The following SFTPD variants were observed in gnomAD, a reference collection of about 807,000 sequenced individuals.
The protein encoded by SFTPD is pulmonary surfactant-associated protein D.
In SFTPD, 18 loss-of-function variants were observed where a neutral mutation model predicts 34.6. That is an observed-to-expected ratio of 0.52 (90% confidence interval 0.36 to 0.77). SFTPD has a LOEUF of 0.77. SFTPD is among the 30% of genes least tolerant of loss of function. SFTPD has a pLI of 0.00. For missense variants in SFTPD, 433 were observed against 468.9 expected (o/e 0.92, Z 0.71); for synonymous variants, 155 against 180.9 (o/e 0.86, Z 1.15).
chr10:79,966,988 A>G (rs1373662620), intron 1 of SFTPD, among the ~76,000 whole-genome samples: 2 of 143,602 alleles, frequency 1.4e-5, no homozygotes, highest in Non-Finnish European at 3.0e-5. Flanking sequence ...AGGGTATTCA[A>G]TTAGGAAAAG....
At position 79,946,502 on chromosome 10, in the gene SFTPD, C is replaced by T. The variant is rs142564545; in HGVS notation, c.158G>A (p.Arg53Gln). Residue 53 changes from arginine (R) to glutamine (Q), a missense_variant, in exon 2 of 8, where the codon CGG becomes CAG. Coordinates refer to ENST00000372292, the MANE Select transcript of SFTPD (RefSeq NM_003019.5). ...VESGLPGRDG[R>Q]DGREGPRGEK... ...GCCCCGAGGGCCCTCTCTCCCATCC[C>T]GTCCATCGCGACCAGGCAGGCCACT... 3.2e-5 allele frequency: 51 copies of T among 1,614,036 alleles called. No individual in the cohort carries two copies. Among genetic ancestry groups the T allele is most frequent in the Non-Finnish European group, 3.5e-5 (41 of 1,180,012 alleles).
At chr10:79,957,807 A>G (rs929040280) in intron 1 of SFTPD, among the ~76,000 whole-genome samples, 4 of 152,192 alleles carry the variant, frequency 2.6e-5, no homozygotes, top group Non-Finnish European at 4.4e-5. Context: ...GAACGCCACA[A>G]AGATACTCCT....
upstream of SFTPD, among the ~76,000 whole-genome samples, chr10:79,952,012 G>T (rs1426694765): frequency 6.6e-6 from 1 of 152,194 alleles, no homozygotes; most frequent in Non-Finnish European, 1.5e-5. Flanking sequence ...AAACACCCTT[G>T]TCCCGGAGCT....
chr10:79,952,788 GT>G (rs1410276998), upstream of SFTPD, among the ~76,000 whole-genome samples: 6 of 152,162 alleles, frequency 3.9e-5, no homozygotes, highest in African/African-American at 7.2e-5. Context: ...TTCAACTCAG[GT>G]TTTGGGGGAG....
chr10:79,980,228 C>T (rs1370498799), intron 1 of SFTPD, among the ~76,000 whole-genome samples: 1 of 151,880 alleles, frequency 6.6e-6, no homozygotes, highest in African/African-American at 2.4e-5. Context: ...GGGACTCCTG[C>T]TTGAGGAAAG....
At chr10:79,973,149 G>A (rs1437841169) in intron 1 of SFTPD, 1 of 152,096 alleles carries the variant, frequency 6.6e-6, no homozygotes, top group Non-Finnish European at 1.5e-5. Flanking sequence ...TAGCATTTTT[G>A]TTAGTATTAA....
intron 2 of SFTPD, 48 bp from the exon 3 acceptor site, chr10:79,942,927 A>T: frequency 8.2e-7 from 1 of 1,224,542 alleles, no homozygotes; most frequent in South Asian, 1.2e-5. Context: ...AGACCCAGAA[A>T]GGGCCAGCCT....
chr10:79,966,815 T>C (rs182250108), intron 1 of SFTPD, among the ~76,000 whole-genome samples: 7,660 of 145,610 alleles, frequency 0.053, 848 homozygotes, highest in East Asian at 0.23. Context: ...TAGCCAGTTT[T>C]CCCAGCACCA....
rs1459897537 is a variant in SFTPD at position 79,968,560 on chromosome 10, C to T, written c.36+14015G>A. On this transcript the variant is annotated intron_variant, in intron 1 of 5. Transcript: ENST00000444384. ...TATACCACAGTTTCATTATCCGGTC[C>T]ACTGTTGATAGGCATCTAGGCTGAT... 5 of 152,134 alleles carry T rather than the reference C, an allele frequency of 3.3e-5. No individual in the cohort carries two copies. In the East Asian group the frequency reaches 5.8e-4, roughly 18 times the overall value. 9.4% of individuals were successfully genotyped at this position (152,134 alleles called of 1,614,324 possible).
intron 1 of SFTPD, among the ~76,000 whole-genome samples, chr10:79,978,391 C>T (rs1842873640): frequency 6.6e-6 from 1 of 152,180 alleles, no homozygotes. Context: ...GTGGCTCATG[C>T]CTGTAATCCT....
chr10:79,970,862 C>G (rs1564535364), intron 1 of SFTPD: 1 of 152,094 alleles, frequency 6.6e-6, no homozygotes, highest in Non-Finnish European at 1.5e-5. Flanking sequence ...AATTATTTCT[C>G]TTACCTAATT....
chr10:79,953,396 G>A (rs1286793394), upstream of SFTPD, among the ~76,000 whole-genome samples: 1 of 149,990 alleles, frequency 6.7e-6, no homozygotes, highest in Non-Finnish European at 1.5e-5. Flanking sequence ...ACATTGCTGG[G>A]TACAGAATTC....
chr10:79,961,860 C>T (rs1317407364), intron 1 of SFTPD, among the ~76,000 whole-genome samples: 2 of 151,722 alleles, frequency 1.3e-5, no homozygotes, highest in Admixed American at 6.6e-5. Context: ...TTTATTGTGG[C>T]ACTATTCACA....
At chr10:79,967,290 A>G (rs1281554582) in intron 1 of SFTPD, among the ~76,000 whole-genome samples, 1 of 126,192 alleles carries the variant, frequency 7.9e-6, no homozygotes, top group South Asian at 2.9e-4. Context: ...CCACTGCTCA[A>G]TGAAATAAAA....
intron 1 of SFTPD, chr10:79,969,557 C>T (rs1156766456): frequency 6.6e-6 from 1 of 152,114 alleles, no homozygotes; most frequent in Non-Finnish European, 1.5e-5. Flanking sequence ...TCCTCAACAA[C>T]ACTTATTATC....
At chr10:79,959,816 A>G (rs1480786875) in intron 1 of SFTPD, among the ~76,000 whole-genome samples, 15 of 152,274 alleles carry the variant, frequency 9.9e-5, no homozygotes, top group African/African-American at 3.6e-4. Context: ...TCATCTTGAT[A>G]CCAAAGCCTG....
intron 1 of SFTPD, among the ~76,000 whole-genome samples, chr10:79,966,908 C>T (rs1842805952): frequency 6.8e-6 from 1 of 147,860 alleles, no homozygotes; most frequent in African/African-American, 2.5e-5. Flanking sequence ...GGGATGCCCT[C>T]TCTCACTGCT....
At chr10:79,942,283 A>G in intron 4 of SFTPD, 105 bp downstream of exon 4, 1 of 818,310 alleles carries the variant, frequency 1.2e-6, no homozygotes, top group Non-Finnish European at 2.0e-6. Context: ...TGCAGCATCA[A>G]GGGTCTGGGC....
At chr10:79,941,589 T>G in intron 5 of SFTPD, 75 bp from the exon 6 acceptor site, 2 of 1,097,670 alleles carry the variant, frequency 1.8e-6, no homozygotes, top group South Asian at 3.0e-5. Flanking sequence ...TACCTTCCCA[T>G]ACATGGACTA....
Sources: allele counts gnomAD v4.1 joint callset (sites outside exome capture counted in the v4.1 genomes callset), GRCh38; gene constraint gnomAD v4.1.1; transcripts MANE v1.5; gene names NCBI Gene and HGNC (gene_info 2026-07-23, HGNC 2026-07-21).